Variants in GLTP observed in about 807,000 individuals in gnomAD.
GLTP encodes the protein glycolipid transfer protein.
A neutral mutation model predicts 24.0 loss-of-function variants in GLTP; 22 were observed. That is an observed-to-expected ratio of 0.92 (90% confidence interval 0.65 to 1.31). The LOEUF (loss-of-function observed/expected upper bound fraction) is 1.31. Ranked by LOEUF, GLTP falls within the 50% of genes most tolerant of loss-of-function variation. The pLI, the probability that GLTP is intolerant of heterozygous loss-of-function variation, is 0.00. For missense variants in GLTP, 224 were observed against 276.6 expected (o/e 0.81, Z 1.35); for synonymous variants, 92 against 115.9 (o/e 0.79, Z 1.33).
chr12:109,878,137 T>C (rs1868943457), intron 1 of GLTP, among the ~76,000 whole-genome samples: 1 of 152,170 alleles, frequency 6.6e-6, no homozygotes, highest in African/African-American at 2.4e-5. Flanking sequence ...GAGGAGGAGA[T>C]GCTCTTTAGC....
rs73417571 is a variant in GLTP at position 109,879,835 on chromosome 12, G to T, written c.103+437C>A. The stretch of plus-strand genomic sequence containing the variant: ...CGTTCAAAGAGAAGGCTTATGAAAT[G>T]GGGGGATTCATTGTAAGGGGAGCGA... On this transcript the variant is annotated intron_variant, in intron 1 of 4. Coordinates refer to ENST00000318348, the MANE Select transcript of GLTP (RefSeq NM_016433.4). Among the ~76,000 whole-genome samples the T allele has an allele frequency of 7.1e-3, 1,073 of 152,182 alleles. 11 individuals carry two copies. Among genetic ancestry groups the T allele is most frequent in the African/African-American group, 0.025 (1,021 of 41,520 alleles).
intron 1 of GLTP, among the ~76,000 whole-genome samples, chr12:109,859,500 CAG>C (rs1892844096): frequency 6.7e-6 from 1 of 150,250 alleles, no homozygotes; most frequent in African/African-American, 2.5e-5. Context: ...GCCTGGGAAA[CAG>C]AGCGAGACTC....
chr12:109,856,106 G>A (rs1319539626), intron 3 of GLTP, among the ~76,000 whole-genome samples: 2 of 152,088 alleles, frequency 1.3e-5, no homozygotes, highest in African/African-American at 4.8e-5. Flanking sequence ...GCAACCATCA[G>A]GCTTGAGGAA....
chr12:109,859,892 G>A (rs1368533393), intron 1 of GLTP: 3 of 152,168 alleles, frequency 2.0e-5, no homozygotes, highest in South Asian at 2.1e-4. Context: ...TGCAAATCTC[G>A]TATATTTATT....
rs1892788047 is a variant in GLTP at position 109,855,747 on chromosome 12, A to G, written c.319T>C (p.Phe107Leu). The G allele has an allele frequency of 1.9e-6, 3 of 1,605,426 alleles. No homozygotes were observed. Among genetic ancestry groups the G allele is most frequent in the East Asian group, 2.3e-5 (1 of 44,318 alleles). Residue 107 changes from phenylalanine to leucine, a missense_variant, in exon 4 of 5, where the codon TTC (phenylalanine) becomes CTC (leucine). Physicochemically the swap from Phe to Leu is conservative, Grantham distance 22. Coordinates refer to ENST00000318348, the MANE Select transcript of GLTP (RefSeq NM_016433.4). The surrounding 1 kb of genome is among the most constrained non-coding windows in gnomAD (Gnocchi z 4.1). ...LKRGLRFIQV[F>L]LQSICDGERD... ...TCCCCGTCGCAGATGCTCTGGAGGA[A>G]GACCTGGATGAAGCGGAGGCCTCTG...
At chr12:109,877,460 G>A (rs1868923996) in intron 1 of GLTP, among the ~76,000 whole-genome samples, 1 of 152,156 alleles carries the variant, frequency 6.6e-6, no homozygotes. Flanking sequence ...GTTCTCAGAG[G>A]TGATTTTGCC....
chr12:109,855,490 G>T lies in GLTP; in HGVS notation c.447+129C>A. 1 of 754,102 alleles carries T rather than the reference G, an allele frequency of 1.3e-6. No individual in the cohort carries two copies. The highest frequency in any genetic ancestry group is 2.1e-6 in the Non-Finnish European group (1 of 483,316). 46.7% of individuals were successfully genotyped at this position (754,102 alleles called of 1,614,324 possible). Reference sequence around the variant, plus strand: ...ACACTAGCCTCACCCAAATAGATGAGGGAGCCCTTCCTGAGCCCGAGGGGG... The same window carrying T: ...ACACTAGCCTCACCCAAATAGATGATGGAGCCCTTCCTGAGCCCGAGGGGG... On this transcript the variant is annotated intron_variant, in intron 4 of 4. Coordinates refer to ENST00000318348, the MANE Select transcript of GLTP (RefSeq NM_016433.4). The surrounding 1 kb of genome is among the most constrained non-coding windows in gnomAD (Gnocchi z 4.1).
intron 1 of GLTP, chr12:109,859,806 CTACTT>C (rs923448997): frequency 1.9e-5 from 3 of 154,760 alleles, no homozygotes; most frequent in Non-Finnish European, 4.4e-5. Flanking sequence ...TCAATATTAA[CTACTT>C]TATTTTCATG....
intron 1 of GLTP, among the ~76,000 whole-genome samples, chr12:109,874,509 C>T (rs1455494473): frequency 3.3e-5 from 5 of 152,034 alleles, no homozygotes; most frequent in African/African-American, 9.7e-5. Context: ...TCTCAAGAAC[C>T]GAGAGGTAAT....
chr12:109,859,632 T>G (rs935642823), intron 1 of GLTP: 5 of 150,392 alleles, frequency 3.3e-5, no homozygotes, highest in Non-Finnish European at 7.5e-5. Context: ...TACTTAACTT[T>G]TATAATAGAA....
At chr12:109,871,533 G>A (rs1181739106) in intron 1 of GLTP, among the ~76,000 whole-genome samples, 33 of 152,062 alleles carry the variant, frequency 2.2e-4, no homozygotes, top group Admixed American at 2.2e-3. Flanking sequence ...TGTGGTGTTG[G>A]TCTCCCCTGT....
At chr12:109,856,716 G>A (rs1388476009) in intron 3 of GLTP, among the ~76,000 whole-genome samples, 1 of 152,184 alleles carries the variant, frequency 6.6e-6, no homozygotes, top group Non-Finnish European at 1.5e-5. Context: ...AGCTGGTAGA[G>A]AACAGCATGA....
chr12:109,857,695 G>A lies in GLTP; in HGVS notation c.163-36C>T, dbSNP rs1892817687. The A allele has an allele frequency of 5.0e-6, 8 of 1,613,390 alleles. No homozygotes were observed. In the African/African-American group the frequency reaches 1.1e-4, roughly 22 times the overall value. ...GCACACAAGATTTCCCCTTGGGTAAGCTGCCCCCATAGACATCTGGCCCGC... is the reference window on the plus strand; with the variant it reads ...GCACACAAGATTTCCCCTTGGGTAAACTGCCCCCATAGACATCTGGCCCGC... On this transcript the variant is annotated intron_variant, in intron 2 of 4. Coordinates refer to ENST00000318348, the MANE Select transcript of GLTP (RefSeq NM_016433.4). This position sits in a 1 kb window ranked among gnomAD's most constrained non-coding sequence, Gnocchi z 4.3.
At chr12:109,878,633 C>T (rs1008310013) in intron 1 of GLTP, among the ~76,000 whole-genome samples, 1 of 151,992 alleles carries the variant, frequency 6.6e-6, no homozygotes, top group Non-Finnish European at 1.5e-5. Context: ...CCAACAACAT[C>T]ACAAAATTAA....
chr12:109,866,926 ATTTTTTT>A (rs34869730), intron 1 of GLTP, among the ~76,000 whole-genome samples: 1 of 118,300 alleles, frequency 8.5e-6, no homozygotes, highest in Non-Finnish European at 1.7e-5. Flanking sequence ...TGCTGGGCTA[ATTTTTTT>A]TTTTTTTTTT....
chr12:109,869,838 C>T (rs937503222), intron 1 of GLTP, among the ~76,000 whole-genome samples: 2 of 151,856 alleles, frequency 1.3e-5, no homozygotes, highest in African/African-American at 4.8e-5. Flanking sequence ...GGCGCGATCT[C>T]GGCTCACTGC....
chr12:109,856,450 C>G (rs1182862586), intron 3 of GLTP, among the ~76,000 whole-genome samples: 1 of 152,176 alleles, frequency 6.6e-6, no homozygotes, highest in Non-Finnish European at 1.5e-5. Flanking sequence ...GCCTGTGAGG[C>G]TGAGCTTGGC....
intron 1 of GLTP, among the ~76,000 whole-genome samples, chr12:109,872,804 T>C (rs1440775753): frequency 1.3e-5 from 2 of 152,196 alleles, no homozygotes; most frequent in African/African-American, 4.8e-5. Context: ...ACAATCTAAA[T>C]CACATTCCAC....
At position 109,852,616 on chromosome 12, in the gene GLTP, G is replaced by A. The variant is rs1592887124; in HGVS notation, c.569C>T (p.Thr190Ile). Reference protein sequence around the residue: ...IRLFLVNYTATIDVIYEMYTQ... With the variant: ...IRLFLVNYTAIIDVIYEMYTQ... ...GTACATCTCGTAGATGACATCGATGGTCGCCGTGTAGTTGACTAGGAAGAG... is the reference window on the plus strand; with the variant it reads ...GTACATCTCGTAGATGACATCGATGATCGCCGTGTAGTTGACTAGGAAGAG... The change falls in exon 5 of 5, where the codon ACC (threonine) becomes ATC (isoleucine). Residue 190 changes from threonine to isoleucine, a missense_variant. Thr to Ile is a moderately conservative substitution (Grantham distance 89). Coordinates refer to ENST00000318348, the MANE Select transcript of GLTP (RefSeq NM_016433.4). 1 of 1,608,052 alleles carries A rather than the reference G, an allele frequency of 6.2e-7. No homozygotes were observed. The highest frequency in any genetic ancestry group is 2.2e-5 in the East Asian group (1 of 44,826).
Sources: allele counts gnomAD v4.1 joint callset (sites outside exome capture counted in the v4.1 genomes callset), GRCh38; gene constraint gnomAD v4.1.1; non-coding constraint Gnocchi (gnomAD v3.1); transcripts MANE v1.5; gene names NCBI Gene and HGNC (gene_info 2026-07-23, HGNC 2026-07-21).